The following RANBP17 variants were observed in gnomAD, a reference collection of about 807,000 sequenced individuals.
RANBP17 encodes ran-binding protein 17.
A neutral mutation model predicts 141.2 loss-of-function variants in RANBP17; 158 were observed. The observed-to-expected ratio is 1.12, with a 90% CI of 0.98 to 1.28. The LOEUF (loss-of-function observed/expected upper bound fraction) is 1.28. RANBP17 is among the 50% of genes most tolerant of loss of function. The probability of loss-of-function intolerance (pLI) is 0.00; values close to 1 mark genes in which losing one functional copy is unlikely to be tolerated. For synonymous variants in RANBP17, 430 were observed against 450.0 expected, an observed-to-expected ratio of 0.96 and a Z score of 0.56; for missense variants, 1,438 against 1,290.7, an observed-to-expected ratio of 1.11 and a Z score of -1.75.
At chr5:171,275,152 A>G (rs1386316345) in intron 25 of RANBP17, among the ~76,000 whole-genome samples, 2 of 152,248 alleles carry the variant, frequency 1.3e-5, no homozygotes. Flanking sequence ...TGAGTGAGCC[A>G]GAATCCAGTC....
rs143423528 is a variant in RANBP17, at chr5:171,193,796, A to C, written c.2039-5874A>C. ...CACTTTTAAGGACCCTTGTGATTAC[A>C]TTGGACCCACCTGGATAATCCAGAA... On this transcript the variant is annotated intron_variant, in intron 18 of 27. Coordinates refer to ENST00000523189, the MANE Select transcript of RANBP17 (RefSeq NM_022897.5). Among the ~76,000 whole-genome samples the C allele has an allele frequency of 8.3e-4, 127 of 152,334 alleles. 3 individuals are homozygous for C. In the East Asian group the frequency reaches 0.024, roughly 29 times the overall value.
intron 22 of RANBP17, among the ~76,000 whole-genome samples, chr5:171,231,298 T>C (rs531760852): frequency 7.4e-4 from 113 of 152,190 alleles, no homozygotes; most frequent in African/African-American, 2.6e-3. Context: ...TAAAATTATG[T>C]CTACCTTTCC....
chr5:171,050,737 T>C (rs975549340), intron 14 of RANBP17, among the ~76,000 whole-genome samples: 1 of 152,122 alleles, frequency 6.6e-6, no homozygotes, highest in African/African-American at 2.4e-5. Context: ...TATTTAAATA[T>C]CTACCCTTTC....
At chr5:171,157,183 T>C (rs747105733) in intron 14 of RANBP17, among the ~76,000 whole-genome samples, 4 of 152,234 alleles carry the variant, frequency 2.6e-5, no homozygotes, top group African/African-American at 9.6e-5. Flanking sequence ...CACATTATGA[T>C]AATTGTGAAT....
At chr5:171,094,046 G>C (rs1209147232) in intron 14 of RANBP17, among the ~76,000 whole-genome samples, 1 of 152,176 alleles carries the variant, frequency 6.6e-6, no homozygotes, top group Non-Finnish European at 1.5e-5. Context: ...TTCCTTGAAA[G>C]TACAGTTTAC....
intron 14 of RANBP17, among the ~76,000 whole-genome samples, chr5:171,133,432 C>T (rs1466084236): frequency 6.6e-6 from 1 of 152,014 alleles, no homozygotes; most frequent in African/African-American, 2.4e-5. Flanking sequence ...ACAGTATTTG[C>T]CAACTTCATG....
rs145491590 is a variant in RANBP17 at position 171,008,144 on chromosome 5, G to A, written c.1710+39767G>A. Among the ~76,000 whole-genome samples the A allele has an allele frequency of 1.1e-4, 16 of 152,332 alleles. No homozygotes were observed. The East Asian group carries it at 2.3e-3, about 22-fold the overall frequency. ...TCTTCCTGAATCTGTGACCGGTGCC[G>A]GAGTTTTGGGTACACAGATAAAATG... is the stretch of plus-strand genomic sequence containing the variant. On this transcript the variant is annotated intron_variant, in intron 14 of 27. Coordinates refer to ENST00000523189, the MANE Select transcript of RANBP17 (RefSeq NM_022897.5).
chr5:171,182,482 A>G (rs1472615380), intron 16 of RANBP17, among the ~76,000 whole-genome samples: 1 of 152,238 alleles, frequency 6.6e-6, no homozygotes, highest in Non-Finnish European at 1.5e-5. Context: ...AGCACTGTCA[A>G]TCCATGGCTG....
At chr5:170,963,151 A>G (rs972474770) in intron 13 of RANBP17, among the ~76,000 whole-genome samples, 8 of 152,214 alleles carry the variant, frequency 5.3e-5, no homozygotes, top group Non-Finnish European at 1.2e-4. Context: ...AGAAAAGAAT[A>G]AAAGGTTCAG....
chr5:171,011,371 C>G (rs1424298986), intron 14 of RANBP17, among the ~76,000 whole-genome samples: 1 of 151,828 alleles, frequency 6.6e-6, no homozygotes, highest in Non-Finnish European at 1.5e-5. Flanking sequence ...CCTATATAGT[C>G]TCCCTTAGTA....
intron 14 of RANBP17, among the ~76,000 whole-genome samples, chr5:171,166,221 A>G (rs890925396): frequency 1.6e-4 from 24 of 152,158 alleles, no homozygotes; most frequent in Non-Finnish European, 5.9e-5. Context: ...TGGTTACAGA[A>G]TGTGCATCTC....
At chr5:171,257,518 T>C (rs1765977577) in intron 24 of RANBP17, among the ~76,000 whole-genome samples, 1 of 152,042 alleles carries the variant, frequency 6.6e-6, no homozygotes, top group Non-Finnish European at 1.5e-5. Flanking sequence ...GATTCCCATT[T>C]CCACCACTCT....
chr5:170,977,311 C>CTAGGATGAATATGATT (rs1777450360), intron 14 of RANBP17, among the ~76,000 whole-genome samples: 1 of 151,544 alleles, frequency 6.6e-6, no homozygotes, highest in Non-Finnish European at 1.5e-5. Flanking sequence ...TTTACACTCA[C>CTAGGATGAATATGATT]TAGGATGAAT....
chr5:170,898,463 C>G (rs1031224844), intron 5 of RANBP17, among the ~76,000 whole-genome samples: 2 of 151,968 alleles, frequency 1.3e-5, no homozygotes, highest in African/African-American at 4.8e-5. Context: ...AAATTTTCTC[C>G]CATTCTGTAG....
At chr5:171,268,739 CA>C (rs1487789404) in intron 25 of RANBP17, among the ~76,000 whole-genome samples, 7 of 152,112 alleles carry the variant, frequency 4.6e-5, no homozygotes, top group Non-Finnish European at 8.8e-5. Flanking sequence ...AGTCTGCCAC[CA>C]AATCACTCCT....
chr5:171,155,248 G>T (rs1758819014), intron 14 of RANBP17, among the ~76,000 whole-genome samples: 1 of 150,774 alleles, frequency 6.6e-6, no homozygotes, highest in Non-Finnish European at 1.5e-5. Flanking sequence ...CCTTCCCCCA[G>T]CCAAAAAGAG....
intron 14 of RANBP17, among the ~76,000 whole-genome samples, chr5:170,977,458 A>T (rs1477893329): frequency 6.6e-6 from 1 of 152,116 alleles, no homozygotes; most frequent in Non-Finnish European, 1.5e-5. Context: ...AAGGTTAAAC[A>T]TAGAGTTACC....
At chr5:171,032,512 T>G (rs1412758602) in intron 14 of RANBP17, among the ~76,000 whole-genome samples, 1 of 152,120 alleles carries the variant, frequency 6.6e-6, no homozygotes, top group Admixed American at 6.6e-5. Context: ...ACACAAAATG[T>G]TTTGTGCTGT....
chr5:171,261,103 C>G (rs1335941022), intron 24 of RANBP17, among the ~76,000 whole-genome samples: 2 of 54,918 alleles, frequency 3.6e-5, no homozygotes, highest in Admixed American at 2.3e-4. Context: ...AAAAAAAAAC[C>G]AAAAGAAAAA....
Sources: gnomAD v4.1 joint callset for allele counts (sites outside exome capture counted in the v4.1 genomes callset) on GRCh38, gnomAD v4.1.1 for gene constraint, MANE v1.5 for transcripts, NCBI Gene and HGNC (gene_info 2026-07-23, HGNC 2026-07-21) for gene names.